The following NBEA variants were observed in gnomAD, a reference collection of about 807,000 sequenced individuals.
The protein encoded by NBEA is neurobeachin, also known as lysosomal-trafficking regulator 2.
A neutral mutation model predicts 343.4 loss-of-function variants in NBEA; 44 were observed. That is an observed-to-expected ratio of 0.13 (90% CI 0.10 to 0.16). NBEA has a LOEUF of 0.16. Ranked by LOEUF, NBEA falls within the 10% of genes least tolerant of loss-of-function variation. The pLI is 1.00. For synonymous variants in NBEA, 1,175 were observed against 1,238.7 expected, an observed-to-expected ratio of 0.95 and a Z score of 1.08; for missense variants, 2,555 against 3,631.3, an observed-to-expected ratio of 0.70 and a Z score of 7.62.
chr13:35,668,898 A>G (rs977927193), intron 58 of NBEA, among the ~76,000 whole-genome samples: 2 of 152,116 alleles, frequency 1.3e-5, no homozygotes, highest in Admixed American at 1.3e-4. Context: ...TCAGTGTGAG[A>G]CCTACTTCTT....
chr13:35,332,211 AG>A (rs1055744007), intron 36 of NBEA, among the ~76,000 whole-genome samples: 3 of 152,108 alleles, frequency 2.0e-5, no homozygotes, highest in African/African-American at 7.2e-5. Flanking sequence ...ACTTTTTAAA[AG>A]AAAATAAGAG....
intron 16 of NBEA, among the ~76,000 whole-genome samples, chr13:35,121,057 C>G (rs2066769356): frequency 6.6e-6 from 1 of 152,032 alleles, no homozygotes; most frequent in Non-Finnish European, 1.5e-5. Flanking sequence ...GTGAGAACTT[C>G]CAGTTCTATA....
chr13:35,045,198 A>T, intron 3 of NBEA, 108 bp from the exon 4 acceptor site: 1 of 1,209,834 alleles, frequency 8.3e-7, no homozygotes, highest in Non-Finnish European at 1.1e-6. Context: ...AATGATTTAA[A>T]ATTAATTTTT....
At chr13:35,670,156 T>C (rs974888592) in intron 58 of NBEA, among the ~76,000 whole-genome samples, 4 of 152,168 alleles carry the variant, frequency 2.6e-5, no homozygotes, top group African/African-American at 9.7e-5. Flanking sequence ...TAATCAAAAG[T>C]GAAGCAACAC....
chr13:35,534,387 A>G (rs1379354578), intron 41 of NBEA, among the ~76,000 whole-genome samples: 1 of 152,174 alleles, frequency 6.6e-6, no homozygotes, highest in East Asian at 1.9e-4. Flanking sequence ...TCAGATTTCT[A>G]GTTTAGCCTC....
At chr13:35,192,309 G>A (rs1489989354) in intron 30 of NBEA, among the ~76,000 whole-genome samples, 4 of 152,006 alleles carry the variant, frequency 2.6e-5, no homozygotes, top group Non-Finnish European at 5.9e-5. Flanking sequence ...TCAACTGAGA[G>A]CATGTTCTGT....
intron 33 of NBEA, among the ~76,000 whole-genome samples, chr13:35,223,666 T>C (rs923779698): frequency 6.6e-6 from 1 of 152,222 alleles, no homozygotes; most frequent in Non-Finnish European, 1.5e-5. Flanking sequence ...TGTAGTTTTA[T>C]GACTTCATTG....
At chr13:35,240,715 A>G (rs1006582598) in intron 34 of NBEA, among the ~76,000 whole-genome samples, 1 of 151,818 alleles carries the variant, frequency 6.6e-6, no homozygotes, top group African/African-American at 2.4e-5. Context: ...TCTATGATTT[A>G]GGTATTAAAA....
intron 39 of NBEA, among the ~76,000 whole-genome samples, chr13:35,443,643 A>G (rs533557763): frequency 5.9e-5 from 9 of 152,104 alleles, no homozygotes; most frequent in African/African-American, 1.7e-4. Context: ...AACAACAAAT[A>G]GAAAGTCTAT....
intron 48 of NBEA, 54 bp from the exon 49 acceptor site, chr13:35,628,027 A>G: frequency 4.4e-6 from 6 of 1,354,502 alleles, no homozygotes; most frequent in Non-Finnish European, 6.1e-6. Flanking sequence ...ATAAAAGGAT[A>G]TGAAGGTGTA....
In NBEA at chr13:35,432,408, T is replaced by G. The variant is rs1261979355; in HGVS notation, c.6304+15T>G. The G allele has an allele frequency of 6.5e-7, 1 of 1,543,748 alleles. No homozygotes were observed. The highest frequency in any genetic ancestry group is 1.9e-5 in the Admixed American group (1 of 52,216). ...AATAGAATATGGTTAGTACCAATGCTTCTTCCACAAAAATACTTCTGGATG... is the reference window on the plus strand; with the variant it reads ...AATAGAATATGGTTAGTACCAATGCGTCTTCCACAAAAATACTTCTGGATG... On this transcript the variant is annotated intron_variant, in intron 39 of 58. Transcript: ENST00000379939.
chr13:35,078,442 G>T (rs987488558), intron 10 of NBEA, among the ~76,000 whole-genome samples: 1 of 152,074 alleles, frequency 6.6e-6, no homozygotes, highest in African/African-American at 2.4e-5. Flanking sequence ...TGTTTTTCTT[G>T]TGTCAAAGAA....
chr13:35,588,289 G>T (rs1184732957), intron 46 of NBEA, among the ~76,000 whole-genome samples: 1 of 152,048 alleles, frequency 6.6e-6, no homozygotes, highest in Non-Finnish European at 1.5e-5. Flanking sequence ...CAGTCTAATG[G>T]TTTACTAAGT....
chr13:35,279,475 C>G (rs182088982), intron 34 of NBEA, among the ~76,000 whole-genome samples: 1 of 152,146 alleles, frequency 6.6e-6, no homozygotes, highest in Non-Finnish European at 1.5e-5. Context: ...TATAAAATTG[C>G]CTAATTTTGA....
At chr13:35,625,327 A>G (rs927672347) in intron 48 of NBEA, among the ~76,000 whole-genome samples, 1 of 152,216 alleles carries the variant, frequency 6.6e-6, no homozygotes, top group Non-Finnish European at 1.5e-5. Context: ...TCTAAAATAT[A>G]TAAATCAGGC....
chr13:35,239,342 A>G (rs2075381002), intron 34 of NBEA, among the ~76,000 whole-genome samples: 1 of 152,088 alleles, frequency 6.6e-6, no homozygotes. Flanking sequence ...TCAAATATAG[A>G]TCTATTTGGA....
At chr13:35,114,251 A>G (rs2066385017) in intron 13 of NBEA, among the ~76,000 whole-genome samples, 1 of 152,188 alleles carries the variant, frequency 6.6e-6, no homozygotes, top group Non-Finnish European at 1.5e-5. Flanking sequence ...CCATGAGTTC[A>G]CAGCAGTACC....
At chr13:35,050,680 G>T (rs1308875027) in intron 6 of NBEA, among the ~76,000 whole-genome samples, 1 of 151,802 alleles carries the variant, frequency 6.6e-6, no homozygotes, top group Admixed American at 6.6e-5. Flanking sequence ...CTGAGTATTG[G>T]ATACCATTGT....
At chr13:35,195,292 C>T (rs1056767467) in intron 30 of NBEA, among the ~76,000 whole-genome samples, 7 of 151,926 alleles carry the variant, frequency 4.6e-5, no homozygotes, top group Non-Finnish European at 1.0e-4. Context: ...TTTCCTGATG[C>T]TTTTGAAGGC....
Sources: gnomAD v4.1 joint callset for allele counts (sites outside exome capture counted in the v4.1 genomes callset) on GRCh38, gnomAD v4.1.1 for gene constraint, MANE v1.5 for transcripts, NCBI Gene and HGNC (gene_info 2026-07-23, HGNC 2026-07-21) for gene names.